Variants in PLEKHA7 observed in about 807,000 individuals in gnomAD.
PLEKHA7 encodes the protein pleckstrin homology domain-containing family A member 7.
PLEKHA7 carries 104 observed loss-of-function variants against 170.0 expected under a neutral mutation model. The observed-to-expected ratio is 0.61, with a 90% CI of 0.52 to 0.72. PLEKHA7 has a LOEUF of 0.72. Ranked by LOEUF, PLEKHA7 falls within the 30% of genes least tolerant of loss-of-function variation. The pLI is 0.00. For missense variants in PLEKHA7, 1,615 were observed against 1,671.7 expected (o/e 0.97, Z 0.59); for synonymous variants, 648 against 660.8 (o/e 0.98, Z 0.30).
intron 3 of PLEKHA7, among the ~76,000 whole-genome samples, chr11:16,924,489 G>A (rs1859342866): frequency 6.6e-6 from 1 of 152,204 alleles, no homozygotes; most frequent in Admixed American, 6.5e-5. Flanking sequence ...ACCTGGTCTG[G>A]AAGCTGCCTT....
intron 3 of PLEKHA7, among the ~76,000 whole-genome samples, chr11:16,940,171 T>A (rs1481038415): frequency 3.9e-5 from 6 of 152,132 alleles, no homozygotes; most frequent in Admixed American, 3.9e-4. Context: ...TTCTCAGCCC[T>A]GTGTCTCTGG....
At position 16,852,345 on chromosome 11, in the gene PLEKHA7, C is replaced by T; in HGVS notation, c.533G>A (p.Gly178Glu). ...RGWLHKQDSSGMRLWKRRWFV... is the reference protein window; with the variant it reads ...RGWLHKQDSSEMRLWKRRWFV... ...CCACCTCCTTTTCCACAGCCTCATC[C>T]CAGAACTGTCCTGCAAAGCAAAGAA... The change falls in exon 7 of 27, where the codon GGG becomes GAG. Residue 178 changes from glycine (G) to glutamate (E), a missense_variant. By Grantham distance (98) the Gly-to-Glu change is moderately conservative. Coordinates refer to ENST00000531066, the MANE Select transcript of PLEKHA7 (RefSeq NM_001329630.2). The T allele has an allele frequency of 1.2e-6, 2 of 1,613,930 alleles. No homozygotes were observed. The highest frequency in any genetic ancestry group is 2.2e-5 in the South Asian group (2 of 91,050).
At chr11:16,925,981 C>T (rs1859508658) in intron 3 of PLEKHA7, among the ~76,000 whole-genome samples, 1 of 152,256 alleles carries the variant, frequency 6.6e-6, no homozygotes, top group African/African-American at 2.4e-5. Flanking sequence ...GGCGTCTAGC[C>T]AGACACCAGC....
At chr11:16,865,514 A>G (rs1423127959) in intron 4 of PLEKHA7, among the ~76,000 whole-genome samples, 8 of 152,326 alleles carry the variant, frequency 5.3e-5, no homozygotes, top group Middle Eastern at 3.4e-3. Flanking sequence ...GCTTGAGGCT[A>G]GAAGTTCAAG....
At position 16,789,292 on chromosome 11, in the gene PLEKHA7, G is replaced by A. The variant is rs1849623453; in HGVS notation, c.3161C>T (p.Pro1054Leu). The A allele has an allele frequency of 1.2e-6, 2 of 1,613,118 alleles. No homozygotes were observed. Among genetic ancestry groups the A allele is most frequent in the South Asian group, 2.2e-5 (2 of 91,076 alleles). ...GTACAGGCGCTCCAAGGCACTCTTA[G>A]GTCTCTGAGGAAGAGGAGGCAGGCA... is the stretch of plus-strand genomic sequence containing the variant. ...AESSKATFPR[P>L]KSALERLYSG... Residue 1054 changes from proline to leucine, a missense_variant, in exon 23 of 27, where the codon CCT becomes CTT. Pro to Leu is a moderately conservative substitution (Grantham distance 98). Transcript: ENST00000531066. The surrounding 1 kb of genome is among the most constrained non-coding windows in gnomAD (Gnocchi z 4.6).
chr11:16,934,571 C>G (rs1251282241), intron 3 of PLEKHA7, among the ~76,000 whole-genome samples: 5 of 152,020 alleles, frequency 3.3e-5, no homozygotes, highest in African/African-American at 1.2e-4. Flanking sequence ...TAAACAGAAA[C>G]AGTACCAGGC....
intron 9 of PLEKHA7, among the ~76,000 whole-genome samples, chr11:16,834,690 G>A (rs745746574): frequency 1.3e-5 from 2 of 152,166 alleles, no homozygotes; most frequent in Non-Finnish European, 2.9e-5. Flanking sequence ...GCTTATTAGA[G>A]AGGAAAAAAC....
At position 16,887,945 on chromosome 11, in the gene PLEKHA7, T is replaced by C. The variant is rs563490081; in HGVS notation, c.222-16763A>G. Among the ~76,000 whole-genome samples, 3 of 149,462 alleles carry C rather than the reference T, an allele frequency of 2.0e-5. No individual in the cohort carries two copies. The East Asian group carries it at 6.0e-4, about 30-fold the overall frequency. On this transcript the variant is annotated intron_variant, in intron 3 of 26. Coordinates refer to ENST00000531066, the MANE Select transcript of PLEKHA7 (RefSeq NM_001329630.2). ...CCCGGCTGCCATCCCGTCTAGGAAG[T>C]GAGGAGCTCTCTGCCCGGCCGCCCA...
At chr11:17,013,266 A>G (rs1368716798) in intron 3 of PLEKHA7, 1 of 152,288 alleles carries the variant, frequency 6.6e-6, no homozygotes, top group African/African-American at 2.4e-5. Flanking sequence ...ACATGGACTG[A>G]TCCTACAGAC....
At chr11:16,998,003 G>A (rs79260798) in intron 3 of PLEKHA7, among the ~76,000 whole-genome samples, 7,773 of 152,218 alleles carry the variant, frequency 0.051, 375 homozygotes, top group East Asian at 0.15. Flanking sequence ...CAGCTCTGCC[G>A]CCTTACACCT....
At chr11:16,781,143 A>G (rs1848992209) in intron 26 of PLEKHA7, 1 of 437,990 alleles carries the variant, frequency 2.3e-6, no homozygotes, top group East Asian at 1.6e-4. Flanking sequence ...CTGGGGTGGC[A>G]TGGGCCCTGC....
At chr11:16,813,022 T>C in intron 13 of PLEKHA7, 91 bp downstream of exon 13, 1 of 1,080,626 alleles carries the variant, frequency 9.3e-7, no homozygotes, top group East Asian at 2.4e-5. Context: ...ATAAGACCTG[T>C]CTGGCCTTTG....
chr11:16,922,167 A>T (rs1345033010), intron 3 of PLEKHA7, among the ~76,000 whole-genome samples: 1 of 90,792 alleles, frequency 1.1e-5, no homozygotes. Flanking sequence ...TGGTAGCAGC[A>T]CAAAATACAT....
At chr11:16,845,688 G>T (rs768263180) in intron 8 of PLEKHA7, among the ~76,000 whole-genome samples, 2 of 152,102 alleles carry the variant, frequency 1.3e-5, no homozygotes, top group Non-Finnish European at 2.9e-5. Flanking sequence ...TTTAAACTGG[G>T]GAATGATGTG....
chr11:16,873,822 AC>A (rs1484234840), intron 3 of PLEKHA7, among the ~76,000 whole-genome samples: 2 of 152,074 alleles, frequency 1.3e-5, no homozygotes, highest in African/African-American at 4.8e-5. Context: ...ACCTGCCACC[AC>A]ATTTGACTAA....
At chr11:16,909,690 G>A (rs954663959) in intron 3 of PLEKHA7, among the ~76,000 whole-genome samples, 1 of 152,200 alleles carries the variant, frequency 6.6e-6, no homozygotes, top group Non-Finnish European at 1.5e-5. Flanking sequence ...TGCACTAGCT[G>A]AGCTTGGCTG....
chr11:17,010,834 T>C (rs1865281231), intron 3 of PLEKHA7, among the ~76,000 whole-genome samples: 1 of 151,384 alleles, frequency 6.6e-6, no homozygotes, highest in Non-Finnish European at 1.5e-5. Flanking sequence ...AGCTAAGAAA[T>C]CAGACAACAG....
chr11:17,013,907 G>C, intron 3 of PLEKHA7, 82 bp downstream of exon 3: 1 of 1,436,806 alleles, frequency 7.0e-7, no homozygotes. Context: ...GGGAGCAGAG[G>C]AAGGGCGGGG....
At chr11:16,822,969 G>A (rs1333471724) in intron 10 of PLEKHA7, among the ~76,000 whole-genome samples, 1 of 149,368 alleles carries the variant, frequency 6.7e-6, no homozygotes, top group Non-Finnish European at 1.5e-5. Flanking sequence ...CACCTAGGGA[G>A]TTGTATGTAT....
Sources: gnomAD v4.1 joint callset for allele counts (sites outside exome capture counted in the v4.1 genomes callset) on GRCh38, gnomAD v4.1.1 for gene constraint, Gnocchi (gnomAD v3.1) non-coding constraint, MANE v1.5 for transcripts, NCBI Gene and HGNC (gene_info 2026-07-23, HGNC 2026-07-21) for gene names.